The following GTF2A2 variants were observed in gnomAD, a reference collection of about 807,000 sequenced individuals.
GTF2A2 encodes general transcription factor IIA subunit 2.
Under a neutral mutation model 14.3 loss-of-function variants are expected in GTF2A2, and 9 were observed. The ratio of observed to expected loss-of-function variants is 0.63; its 90% CI spans 0.38 to 1.10. The LOEUF is 1.10. Ranked by LOEUF, GTF2A2 falls within the 50% of genes least tolerant of loss-of-function variation. The pLI is 0.01. For synonymous variants in GTF2A2, 56 were observed against 46.0 expected, an observed-to-expected ratio of 1.22 and a Z score of -0.88; for missense variants, 90 against 124.6, an observed-to-expected ratio of 0.72 and a Z score of 1.32.
At chr15:59,655,887 C>G (rs1413330768) in intron 1 of GTF2A2, among the ~76,000 whole-genome samples, 9 of 152,194 alleles carry the variant, frequency 5.9e-5, no homozygotes, top group Admixed American at 5.9e-4. Context: ...GGCCTACCTT[C>G]AAAATGCATT....
chr15:59,640,388 T>C (rs1358065452), intron 4 of GTF2A2: 1 of 152,268 alleles, frequency 6.6e-6, no homozygotes, highest in Admixed American at 6.5e-5. Context: ...ATTTACTGAT[T>C]TTCTGGTTCT....
intron 4 of GTF2A2, among the ~76,000 whole-genome samples, chr15:59,639,898 G>GCACCACCA (rs1891342972): frequency 6.6e-6 from 1 of 152,018 alleles, no homozygotes; most frequent in Admixed American, 6.5e-5. Context: ...TTACAGGCGG[G>GCACCACCA]TACCACCATG....
At chr15:59,657,052 A>G (rs1188910412) in intron 1 of GTF2A2, 1 of 152,282 alleles carries the variant, frequency 6.6e-6, no homozygotes, top group African/African-American at 2.4e-5. Flanking sequence ...CACAGGAATG[A>G]GACATTTAAA....
At chr15:59,650,604 TA>T (rs569355315) in intron 3 of GTF2A2, 64 bp downstream of exon 3, 1,063 of 873,606 alleles carry the variant, frequency 1.2e-3, no homozygotes, top group South Asian at 1.6e-3. Context: ...GTAGGGGTCC[TA>T]AAAAAAAATC....
At chr15:59,649,386 G>A (rs1891721412) in intron 3 of GTF2A2, among the ~76,000 whole-genome samples, 1 of 152,166 alleles carries the variant, frequency 6.6e-6, no homozygotes, top group African/African-American at 2.4e-5. Context: ...TCTAGCTAAA[G>A]AAATCCAAAC....
intron 4 of GTF2A2, 81 bp downstream of exon 4, chr15:59,642,055 T>C: frequency 7.7e-7 from 1 of 1,302,954 alleles, no homozygotes; most frequent in South Asian, 1.5e-5. Flanking sequence ...CCGTTAGGCT[T>C]TTCATATGGA....
chr15:59,639,090 T>TGAATAACAGAAGATGG lies in GTF2A2; in HGVS notation c.*26_*41dup. On this transcript the variant is annotated 3_prime_UTR_variant, in exon 5 of 5. Transcript: ENST00000396060. The stretch of plus-strand genomic sequence containing the variant: ...CTTCTATGCTTCTCTTCAAAAGCAA[T>TGAATAACAGAAGATGG]GAATAACAGAAGATGGTGTAAAAAA... The TGAATAACAGAAGATGG allele has an allele frequency of 8.7e-7, 1 of 1,148,878 alleles. No individual in the cohort carries two copies. The highest frequency in any genetic ancestry group is 2.2e-4 in the Middle Eastern group (1 of 4,580). 71.2% of individuals were successfully genotyped at this position (1,148,878 alleles called of 1,614,324 possible).
chr15:59,648,066 T>C (rs943444039), intron 3 of GTF2A2, among the ~76,000 whole-genome samples: 1 of 152,184 alleles, frequency 6.6e-6, no homozygotes, highest in Non-Finnish European at 1.5e-5. Context: ...TAACCATTAC[T>C]TTTATCTATG....
intron 4 of GTF2A2, among the ~76,000 whole-genome samples, chr15:59,641,181 C>CTTTTTTTGT (rs1891409455): frequency 7.1e-6 from 1 of 141,374 alleles, no homozygotes; most frequent in African/African-American, 2.7e-5. Flanking sequence ...CAGCAAGACT[C>CTTTTTTTGT]TTTTTTTTTT....
At chr15:59,649,334 A>G (rs1468718663) in intron 3 of GTF2A2, among the ~76,000 whole-genome samples, 2 of 152,224 alleles carry the variant, frequency 1.3e-5, no homozygotes, top group Admixed American at 6.5e-5. Context: ...CAAACTCACA[A>G]AACACTATGC....
intron 3 of GTF2A2, among the ~76,000 whole-genome samples, chr15:59,650,446 A>C (rs770445034): frequency 6.6e-6 from 1 of 152,262 alleles, no homozygotes; most frequent in Non-Finnish European, 1.5e-5. Context: ...TTTGTGAAAC[A>C]ATGAAATAAA....
rs1205377736 is a variant in GTF2A2, at chr15:59,653,686, A to T, written c.-49-1360T>A. On this transcript the variant is annotated intron_variant, in intron 1 of 4. Coordinates refer to ENST00000396060, the MANE Select transcript of GTF2A2 (RefSeq NM_004492.3). ...ATCTGGTGATGACTCTCAAATTTGT[A>T]TCTCCAGCCCTCAATTCTCCCTTTG... Among the ~76,000 whole-genome samples, 6 of 152,162 alleles carry T rather than the reference A, an allele frequency of 3.9e-5. 1 individual carries two copies. The highest frequency in any genetic ancestry group is 1.4e-4 in the African/African-American group (6 of 41,498).
chr15:59,645,547 G>A (rs926794632), intron 3 of GTF2A2, among the ~76,000 whole-genome samples: 3 of 152,166 alleles, frequency 2.0e-5, no homozygotes, highest in African/African-American at 7.2e-5. Context: ...TTTCAGTGGA[G>A]TGATAAATAT....
Position 59,650,759 on chromosome 15 carries a change from GGT to G in GTF2A2, c.85_86del (p.Thr29ProfsTer12). The G allele has an allele frequency of 6.3e-7, 1 of 1,599,778 alleles. No individual in the cohort carries two copies. ...GTAGAACTTGAAGGGCAAGTTGGGGGGTGATCTGTTGAGACTGAGAAAAGGTA... is the reference window on the plus strand; with the variant it reads ...GTAGAACTTGAAGGGCAAGTTGGGGGGATCTGTTGAGACTGAGAAAAGGTA... ...LDELIQSQQI[T>X]PQLALQVLLQ... On this transcript the variant is annotated frameshift_variant, in exon 3 of 5. Transcript: ENST00000396060. LOFTEE classifies it high-confidence loss of function.
chr15:59,650,599 G>T, intron 3 of GTF2A2, 70 bp downstream of exon 3: 1 of 818,838 alleles, frequency 1.2e-6, no homozygotes, highest in African/African-American at 1.7e-5. Flanking sequence ...AATATGTAGG[G>T]GTCCTAAAAA....
chr15:59,656,040 G>C (rs1198664478), intron 1 of GTF2A2, among the ~76,000 whole-genome samples: 1 of 152,132 alleles, frequency 6.6e-6, no homozygotes, highest in East Asian at 1.9e-4. Flanking sequence ...CTCACAGCCA[G>C]GGTGATCTTC....
At chr15:59,642,289 C>A in intron 3 of GTF2A2, 27 bp from the exon 4 acceptor site, 1 of 1,554,100 alleles carries the variant, frequency 6.4e-7, no homozygotes, top group Non-Finnish European at 8.7e-7. Context: ...TTAGAAATAC[C>A]GTGAAACGTT....
At chr15:59,650,883 C>G in intron 2 of GTF2A2, 110 bp from the exon 3 acceptor site, 1 of 625,820 alleles carries the variant, frequency 1.6e-6, no homozygotes, top group Non-Finnish European at 2.8e-6. Context: ...ACCAAAGCCT[C>G]TAAACTAGAA....
intron 3 of GTF2A2, chr15:59,644,459 T>C (rs1044646001): frequency 3.3e-5 from 5 of 152,204 alleles, no homozygotes; most frequent in Non-Finnish European, 7.3e-5. Context: ...TGAATGAATA[T>C]AATAAATGAG....
Sources: allele counts gnomAD v4.1 joint callset (sites outside exome capture counted in the v4.1 genomes callset), GRCh38; gene constraint gnomAD v4.1.1; transcripts MANE v1.5; gene names NCBI Gene and HGNC (gene_info 2026-07-23, HGNC 2026-07-21).